PRKG1: variants seen among roughly 807,000 people sequenced by gnomAD.
PRKG1 encodes the protein cGMP-dependent protein kinase 1.
Under a neutral mutation model 88.1 loss-of-function variants are expected in PRKG1, and 35 were observed. That is an observed-to-expected ratio of 0.40 (90% CI 0.30 to 0.53). The LOEUF (loss-of-function observed/expected upper bound fraction) is 0.53. Ranked by LOEUF, PRKG1 falls within the 20% of genes least tolerant of loss-of-function variation. PRKG1 has a pLI of 0.59. For missense variants in PRKG1, 540 were observed against 839.8 expected (o/e 0.64, Z 4.41); for synonymous variants, 303 against 292.5 (o/e 1.04, Z -0.37).
chr10:51,272,509 T>G (rs1368857035), intron 2 of PRKG1, among the ~76,000 whole-genome samples: 2 of 152,158 alleles, frequency 1.3e-5, no homozygotes, highest in African/African-American at 2.4e-5. Flanking sequence ...GTTTTGTTTT[T>G]TTTTTTAAGT....
chr10:51,534,759 G>C (rs565585476), intron 3 of PRKG1, among the ~76,000 whole-genome samples: 1 of 151,634 alleles, frequency 6.6e-6, no homozygotes, highest in African/African-American at 2.4e-5. Flanking sequence ...AGAATGACAA[G>C]AAAAAATGTA....
intron 4 of PRKG1, among the ~76,000 whole-genome samples, chr10:51,887,572 A>G (rs1030350941): frequency 2.6e-4 from 39 of 152,216 alleles, no homozygotes; most frequent in Non-Finnish European, 4.3e-4. Flanking sequence ...AAGCTCGCCA[A>G]CACTTACCTT....
chr10:51,439,510 AG>A (rs948358102), intron 2 of PRKG1, among the ~76,000 whole-genome samples: 4 of 151,874 alleles, frequency 2.6e-5, no homozygotes, highest in African/African-American at 9.7e-5. Flanking sequence ...AGTCTTCTGC[AG>A]CAAATGGAAA....
intron 3 of PRKG1, among the ~76,000 whole-genome samples, chr10:51,515,046 G>A (rs967891768): frequency 1.3e-5 from 2 of 152,092 alleles, no homozygotes; most frequent in Non-Finnish European, 2.9e-5. Context: ...CTAGATATTG[G>A]CAAATGCTTC....
intron 4 of PRKG1, among the ~76,000 whole-genome samples, chr10:51,885,696 G>A (rs1589388167): frequency 6.6e-6 from 1 of 152,182 alleles, no homozygotes; most frequent in South Asian, 2.1e-4. Flanking sequence ...CCCAGTTCTG[G>A]AATGCTGATA....
At chr10:51,125,747 T>G (rs1181240913) in intron 1 of PRKG1, among the ~76,000 whole-genome samples, 2 of 145,816 alleles carry the variant, frequency 1.4e-5, no homozygotes, top group Non-Finnish European at 3.0e-5. Context: ...TTTTTAAATA[T>G]CTACATATAA....
intron 3 of PRKG1, chr10:51,698,738 G>A (rs867212118): frequency 6.2e-7 from 1 of 1,614,222 alleles, no homozygotes; most frequent in South Asian, 1.1e-5. Context: ...TCCGGGAACT[G>A]CAGCTGGTAT....
intron 5 of PRKG1, among the ~76,000 whole-genome samples, chr10:51,911,811 C>T (rs1177475953): frequency 6.6e-6 from 1 of 152,148 alleles, no homozygotes; most frequent in Non-Finnish European, 1.5e-5. Context: ...ATTGAGCTGT[C>T]TATCTCAAAT....
intron 9 of PRKG1, among the ~76,000 whole-genome samples, chr10:52,202,696 TA>T (rs1264966376): frequency 6.6e-6 from 1 of 152,084 alleles, no homozygotes; most frequent in African/African-American, 2.4e-5. Flanking sequence ...ATTACTGATT[TA>T]ATTTTGGAAT....
At chr10:52,036,927 T>C (rs1268005832) in intron 5 of PRKG1, among the ~76,000 whole-genome samples, 25 of 152,152 alleles carry the variant, frequency 1.6e-4, no homozygotes, top group African/African-American at 6.0e-4. Flanking sequence ...GCCTCCGTAT[T>C]GATTAAGAAG....
chr10:52,038,750 C>A (rs945774572), intron 5 of PRKG1, among the ~76,000 whole-genome samples: 1 of 152,108 alleles, frequency 6.6e-6, no homozygotes, highest in African/African-American at 2.4e-5. Context: ...GAGAGGCGTC[C>A]CTGCAATGAT....
Position 51,346,151 on chromosome 10 carries a change from C to T in PRKG1, c.479-121572C>T, listed in dbSNP as rs566333946. Among the ~76,000 whole-genome samples the T allele has an allele frequency of 6.6e-5, 10 of 152,222 alleles. No homozygotes were observed. In the East Asian group the frequency reaches 7.7e-4, roughly 12 times the overall value. ...GTTTAAATTAAACCCAACAGAGGGA[C>T]GCTGAATTCCAAAAAAGTCGTTGAT... On this transcript the variant is annotated intron_variant, in intron 2 of 17. Transcript: ENST00000373980.
intron 3 of PRKG1, among the ~76,000 whole-genome samples, chr10:51,784,763 A>T (rs1838685947): frequency 6.6e-6 from 1 of 152,122 alleles, no homozygotes; most frequent in African/African-American, 2.4e-5. Flanking sequence ...CCTAAATCTA[A>T]ATATGACTCT....
intron 3 of PRKG1, among the ~76,000 whole-genome samples, chr10:51,514,886 C>T (rs1417831868): frequency 6.6e-6 from 1 of 152,144 alleles, no homozygotes. Flanking sequence ...CTGAGTTTCT[C>T]GGCCTCAGCA....
chr10:51,768,342 G>C (rs1376939669), intron 3 of PRKG1, among the ~76,000 whole-genome samples: 8 of 152,056 alleles, frequency 5.3e-5, no homozygotes, highest in African/African-American at 1.7e-4. Flanking sequence ...TATGGAGTTG[G>C]CCAAAATTTC....
At chr10:52,268,953 C>T (rs960760103) in intron 10 of PRKG1, among the ~76,000 whole-genome samples, 1 of 151,728 alleles carries the variant, frequency 6.6e-6, no homozygotes, top group Non-Finnish European at 1.5e-5. Context: ...AGCAACTAGC[C>T]CGAGAGAGAC....
At chr10:51,745,906 G>A (rs930358172) in intron 3 of PRKG1, among the ~76,000 whole-genome samples, 9 of 152,228 alleles carry the variant, frequency 5.9e-5, no homozygotes, top group East Asian at 5.8e-4. Flanking sequence ...GTGCAATGGC[G>A]CAGTCATAGC....
chr10:51,494,366 C>A (rs955916965), intron 3 of PRKG1, among the ~76,000 whole-genome samples: 1 of 152,170 alleles, frequency 6.6e-6, no homozygotes, highest in Non-Finnish European at 1.5e-5. Context: ...GAAAAAGGAG[C>A]TCATTTTAAA....
At chr10:51,901,224 C>T (rs758374961) in intron 4 of PRKG1, among the ~76,000 whole-genome samples, 7 of 152,170 alleles carry the variant, frequency 4.6e-5, no homozygotes, top group African/African-American at 9.7e-5. Flanking sequence ...AGCACAGTTA[C>T]CACTTGTGTT....
Sources: allele counts gnomAD v4.1 joint callset (sites outside exome capture counted in the v4.1 genomes callset), GRCh38; gene constraint gnomAD v4.1.1; transcripts MANE v1.5; gene names NCBI Gene and HGNC (gene_info 2026-07-23, HGNC 2026-07-21).